CACNA1I: variants seen among roughly 807,000 people sequenced by gnomAD.
CACNA1I encodes calcium voltage-gated channel subunit alpha1 I, also known as voltage-dependent T-type calcium channel subunit alpha-1I.
CACNA1I carries 74 observed loss-of-function variants against 201.6 expected under a neutral mutation model. The ratio of observed to expected loss-of-function variants is 0.37; its 90% confidence interval spans 0.30 to 0.45. CACNA1I has a LOEUF of 0.45. CACNA1I is among the 20% of genes least tolerant of loss of function. The pLI is 1.00. For synonymous variants in CACNA1I, 1,431 were observed against 1,345.2 expected (o/e 1.06, Z -1.40); for missense variants, 2,346 against 3,138.1 (o/e 0.75, Z 6.03).
chr22:39,623,806 G>A (rs568618748), intron 4 of CACNA1I, among the ~76,000 whole-genome samples: 1 of 147,604 alleles, frequency 6.8e-6, no homozygotes, highest in East Asian at 2.1e-4. Flanking sequence ...GTGAAAGGGT[G>A]TGTACGTGTC....
intron 1 of CACNA1I, among the ~76,000 whole-genome samples, chr22:39,586,767 C>T (rs1932758056): frequency 6.6e-6 from 1 of 152,138 alleles, no homozygotes; most frequent in Admixed American, 6.5e-5. Context: ...GGACAGGTCC[C>T]CAGGGAGGCT....
chr22:39,649,577 C>A lies in CACNA1I; in HGVS notation c.1644C>A (p.Ser548=). 1 of 1,547,516 alleles carries A rather than the reference C, an allele frequency of 6.5e-7. No individual in the cohort carries two copies. The highest frequency in any genetic ancestry group is 2.0e-5 in the Admixed American group (1 of 50,734). ...LVQPIPATLA[S]DPASCPCCQH... is the part of the protein sequence containing the mutation. ...AGCCCATCCCCGCCACGCTGGCTTC[C>A]GATCCCGCCAGCTGCCCTTGCTGCC... Residue 548 remains serine (S), a synonymous_variant, in exon 10 of 37, where the codon TCC becomes TCA. Transcript: ENST00000402142. This position sits in a 1 kb window ranked among gnomAD's most constrained non-coding sequence, Gnocchi z 7.3.
chr22:39,679,469 G>C, intron 32 of CACNA1I, 24 bp downstream of exon 32: 1 of 1,388,756 alleles, frequency 7.2e-7, no homozygotes. Flanking sequence ...GGAGAGGTGT[G>C]AGGGTCGCCA....
intron 28 of CACNA1I, among the ~76,000 whole-genome samples, chr22:39,673,682 C>A (rs540144953): frequency 3.9e-5 from 6 of 152,298 alleles, no homozygotes; most frequent in African/African-American, 1.4e-4. Flanking sequence ...CATGGCCCAC[C>A]CATTCACACA....
rs1934579134 is a variant in CACNA1I, at chr22:39,649,259, G to A, written c.1568-242G>A. On this transcript the variant is annotated intron_variant, in intron 9 of 36. Coordinates refer to ENST00000402142, the MANE Select transcript of CACNA1I (RefSeq NM_021096.4). This position sits in a 1 kb window ranked among gnomAD's most constrained non-coding sequence, Gnocchi z 7.3. ...GCTGGGCCCATCATGTGCCTTAAGG[G>A]AGAGAATCCTCCTACAGCCTGCATG... Among the ~76,000 whole-genome samples, 1 of 152,202 alleles carries A rather than the reference G, an allele frequency of 6.6e-6. No homozygotes were observed. The highest frequency in any genetic ancestry group is 2.1e-4 in the South Asian group (1 of 4,834).
chr22:39,679,617 G>A (rs902974731), intron 32 of CACNA1I, 105 bp from the exon 33 acceptor site: 17 of 1,195,148 alleles, frequency 1.4e-5, no homozygotes, highest in Non-Finnish European at 2.0e-5. Context: ...CCCAGGCCAT[G>A]GGCGCAGAGA....
At chr22:39,640,777 C>A in intron 5 of CACNA1I, 90 bp from the exon 6 acceptor site, 13 of 1,081,750 alleles carry the variant, frequency 1.2e-5, no homozygotes, top group Non-Finnish European at 1.7e-5. Flanking sequence ...ACAAGGCCAT[C>A]CTGCTATGCT....
chr22:39,596,680 T>C (rs1437886491), intron 1 of CACNA1I, among the ~76,000 whole-genome samples: 1 of 151,478 alleles, frequency 6.6e-6, no homozygotes, highest in East Asian at 1.9e-4. Context: ...TTGCTGATGT[T>C]TTTAACTGCC....
In CACNA1I at chr22:39,649,946, C is replaced by G. The variant is rs781108474; in HGVS notation, c.1992+21C>G. 2.5e-6 allele frequency: 4 copies of G among 1,612,580 alleles called. No individual in the cohort carries two copies. Among genetic ancestry groups the G allele is most frequent in the Non-Finnish European group, 2.5e-6 (3 of 1,179,476 alleles). On this transcript the variant is annotated intron_variant, in intron 10 of 36. Coordinates refer to ENST00000402142, the MANE Select transcript of CACNA1I (RefSeq NM_021096.4). This position sits in a 1 kb window ranked among gnomAD's most constrained non-coding sequence, Gnocchi z 7.3. Reference sequence around the variant, plus strand: ...AGCAGGCCAGTGCAGCGCAGCCGGGCCGGGCCTGCGGGAGAGGTGTGAGGG... The same window carrying G: ...AGCAGGCCAGTGCAGCGCAGCCGGGGCGGGCCTGCGGGAGAGGTGTGAGGG...
chr22:39,637,463 C>T (rs555162157), intron 5 of CACNA1I, among the ~76,000 whole-genome samples: 12 of 152,094 alleles, frequency 7.9e-5, no homozygotes, highest in Non-Finnish European at 1.5e-4. Context: ...GGTTAGAAAT[C>T]GGAGCCCCAG....
rs746130677 is a variant in CACNA1I, at chr22:39,664,865, G to A, written c.3793G>A (p.Ala1265Thr). ...IVVSLASAGG[A>T]KILGVLRVLR... ...GGTGTCCCTGGCCTCAGCCGGGGGA[G>A]CCAAGATCTTGGGGGTCCTCCGAGT... The change falls in exon 21 of 37, where the codon GCC becomes ACC. Residue 1265 changes from alanine to threonine, a missense_variant. This residue lies in a region of CACNA1I where 158 missense variants were observed against 231.6 expected (regional missense o/e 0.68). Coordinates refer to ENST00000402142, the MANE Select transcript of CACNA1I (RefSeq NM_021096.4). 2.5e-6 allele frequency: 4 copies of A among 1,612,936 alleles called. No homozygotes were observed. Among genetic ancestry groups the A allele is most frequent in the South Asian group, 1.1e-5 (1 of 91,082 alleles).
chr22:39,599,618 CAAAAAAAAAAAAAA>C (rs71197187), intron 2 of CACNA1I, among the ~76,000 whole-genome samples: 5 of 64,316 alleles, frequency 7.8e-5, no homozygotes, highest in African/African-American at 3.5e-4. Context: ...GACTCCGTCT[CAAAAAAAAAAAAAA>C]AAAAAAAAAA....
Position 39,679,713 on chromosome 22 carries a change from T to A in CACNA1I, c.5395-9T>A, listed in dbSNP as rs1173304998. On this transcript the variant is annotated splice_polypyrimidine_tract_variant and intron_variant, in intron 32 of 36. Coordinates refer to ENST00000402142, the MANE Select transcript of CACNA1I (RefSeq NM_021096.4). The stretch of plus-strand genomic sequence containing the variant: ...CCCGCCTGTCCCCACCCCGTCCCCG[T>A]CCGCCTAGGAGAACCTGTGGCTGGA... The A allele has an allele frequency of 6.2e-7, 1 of 1,607,042 alleles. No individual in the cohort carries two copies. Among genetic ancestry groups the A allele is most frequent in the Non-Finnish European group, 8.5e-7 (1 of 1,176,300 alleles).
intron 1 of CACNA1I, among the ~76,000 whole-genome samples, chr22:39,586,329 TA>T (rs1175890668): frequency 6.6e-6 from 1 of 151,892 alleles, no homozygotes; most frequent in Non-Finnish European, 1.5e-5. Context: ...CCTTCTCTAC[TA>T]AAAATACAAA....
chr22:39,573,608 T>A (rs984347626), intron 1 of CACNA1I, among the ~76,000 whole-genome samples: 4 of 152,074 alleles, frequency 2.6e-5, no homozygotes, highest in African/African-American at 4.8e-5. Context: ...ACACACGCCA[T>A]GGGGGCTGCC....
Position 39,677,514 on chromosome 22 carries a change from C to T in CACNA1I, c.4933+95C>T, listed in dbSNP as rs1432833826. 1 of 836,248 alleles carries T rather than the reference C, an allele frequency of 1.2e-6. No individual in the cohort carries two copies. The highest frequency in any genetic ancestry group is 1.8e-6 in the Non-Finnish European group (1 of 548,244). The allele number at this position is 836,248 out of a possible 1,614,324, so 51.8% of individuals were successfully genotyped here. A position where few individuals can be genotyped will look rare whatever the true frequency, so the allele number is the denominator to read the frequency against. Reference sequence around the variant, plus strand: ...GGAGGCCTGAGACCCCTGAGCCCGTCACATCAGGGTCTTTGTATTGGGGAG... The same window carrying T: ...GGAGGCCTGAGACCCCTGAGCCCGTTACATCAGGGTCTTTGTATTGGGGAG... On this transcript the variant is annotated intron_variant, in intron 30 of 36. Coordinates refer to ENST00000402142, the MANE Select transcript of CACNA1I (RefSeq NM_021096.4). This position sits in a 1 kb window ranked among gnomAD's most constrained non-coding sequence, Gnocchi z 4.8.
intron 1 of CACNA1I, among the ~76,000 whole-genome samples, chr22:39,578,705 G>A (rs1932445373): frequency 6.6e-6 from 1 of 152,170 alleles, no homozygotes; most frequent in Non-Finnish European, 1.5e-5. Flanking sequence ...CTTCATTTGT[G>A]TGCTGATTCT....
At chr22:39,599,606 G>C (rs1448576150) in intron 2 of CACNA1I, among the ~76,000 whole-genome samples, 3 of 98,726 alleles carry the variant, frequency 3.0e-5, no homozygotes, top group African/African-American at 8.4e-5. Context: ...GCGACAGAGC[G>C]AGACTCCGTC....
At chr22:39,683,865 C>T (rs1006820206) in intron 35 of CACNA1I, among the ~76,000 whole-genome samples, 1 of 152,218 alleles carries the variant, frequency 6.6e-6, no homozygotes, top group African/African-American at 2.4e-5. Flanking sequence ...ACAGTAGCCC[C>T]CAGGCCTGGC....
Sources: gnomAD v4.1 joint callset for allele counts (sites outside exome capture counted in the v4.1 genomes callset) on GRCh38, gnomAD v4.1.1 for gene constraint, gnomAD v4.1.1 regional missense constraint, Gnocchi (gnomAD v3.1) non-coding constraint, MANE v1.5 for transcripts, NCBI Gene and HGNC (gene_info 2026-07-23, HGNC 2026-07-21) for gene names.